PRELID2: variants seen among roughly 807,000 people sequenced by gnomAD.
PRELID2 encodes the protein PRELI domain containing 2.
PRELID2 carries 25 observed loss-of-function variants against 28.4 expected under a neutral mutation model. The ratio of observed to expected loss-of-function variants is 0.88; its 90% CI spans 0.64 to 1.23. The LOEUF is 1.23. Ranked by LOEUF, PRELID2 falls within the 50% of genes most tolerant of loss-of-function variation. The probability of loss-of-function intolerance (pLI) is 0.00; values close to 1 mark genes in which losing one functional copy is unlikely to be tolerated. For synonymous variants in PRELID2, 76 were observed against 71.6 expected (o/e 1.06, Z -0.31); for missense variants, 201 against 214.4 (o/e 0.94, Z 0.39).
the PRELID2 span, among the ~76,000 whole-genome samples, chr5:145,292,308 CAAGAGAGGGAATTATTATGAAATATGAGT>C: frequency 6.6e-6 from 1 of 152,030 alleles, no homozygotes; most frequent in East Asian, 1.9e-4. Flanking sequence ...CTAAACAAGA[CAAGAGAGGGAATTATTATGAAATATGAGT>C]TTCTGCTCTA....
intron 1 of PRELID2, among the ~76,000 whole-genome samples, chr5:145,727,684 G>A (rs531292078): frequency 1.3e-5 from 2 of 152,276 alleles, no homozygotes; most frequent in African/African-American, 4.8e-5. Flanking sequence ...GCCTTCAACT[G>A]TAAATCTTTT....
the PRELID2 span, among the ~76,000 whole-genome samples, chr5:145,354,735 G>A: frequency 6.6e-6 from 1 of 152,148 alleles, no homozygotes; most frequent in Non-Finnish European, 1.5e-5. Context: ...AAGTATGTCA[G>A]AGAGAGGAGT....
At chr5:145,559,828 A>C (rs1327456711) in intron 1 of PRELID2, among the ~76,000 whole-genome samples, 1 of 52,148 alleles carries the variant, frequency 1.9e-5, no homozygotes, top group Non-Finnish European at 5.0e-5. Context: ...TTCCTTGGTA[A>C]AAAGAGGTAA....
intron 1 of PRELID2, among the ~76,000 whole-genome samples, chr5:145,652,414 T>C (rs933052533): frequency 1.3e-5 from 2 of 151,990 alleles, no homozygotes; most frequent in Non-Finnish European, 2.9e-5. Flanking sequence ...ACAAAGATAC[T>C]CCTTGAGAAG....
intron 1 of PRELID2, among the ~76,000 whole-genome samples, chr5:145,567,268 G>C (rs528463614): frequency 6.6e-6 from 1 of 152,294 alleles, no homozygotes; most frequent in African/African-American, 2.4e-5. Context: ...CATGTGTCAA[G>C]AGAAGAAAGT....
intron 1 of PRELID2, among the ~76,000 whole-genome samples, chr5:145,725,019 A>G (rs1311136490): frequency 6.6e-6 from 1 of 152,012 alleles, no homozygotes; most frequent in African/African-American, 2.4e-5. Flanking sequence ...CTGGGATTAG[A>G]GGTATGAACC....
At chr5:145,830,633 CACT>C (rs1182188761) in intron 1 of PRELID2, among the ~76,000 whole-genome samples, 1 of 152,216 alleles carries the variant, frequency 6.6e-6, no homozygotes, top group Non-Finnish European at 1.5e-5. Flanking sequence ...AGTGCATTGA[CACT>C]ATAGTTCTTG....
intron 1 of PRELID2, among the ~76,000 whole-genome samples, chr5:145,558,221 G>A (rs993554066): frequency 6.6e-6 from 1 of 152,184 alleles, no homozygotes; most frequent in African/African-American, 2.4e-5. Context: ...TAACGTATTT[G>A]AAAGTCATTA....
the PRELID2 span, among the ~76,000 whole-genome samples, chr5:145,279,334 C>T: frequency 6.6e-6 from 1 of 152,200 alleles, no homozygotes; most frequent in Non-Finnish European, 1.5e-5. Flanking sequence ...CATCCCTGAT[C>T]TAGCAGATTC....
At chr5:145,350,675 C>T in the PRELID2 span, among the ~76,000 whole-genome samples, 2 of 152,124 alleles carry the variant, frequency 1.3e-5, no homozygotes, top group Middle Eastern at 3.2e-3. Context: ...CAATTTATGG[C>T]AAACTGCCAT....
At chr5:145,644,600 C>G (rs111404524) in intron 1 of PRELID2, among the ~76,000 whole-genome samples, 1 of 151,658 alleles carries the variant, frequency 6.6e-6, no homozygotes, top group Non-Finnish European at 1.5e-5. Flanking sequence ...TCTTTAATTT[C>G]GATGTTAGGG....
chr5:145,625,162 T>C (rs983446180), intron 1 of PRELID2, among the ~76,000 whole-genome samples: 1 of 152,126 alleles, frequency 6.6e-6, no homozygotes, highest in Admixed American at 6.6e-5. Context: ...TAATTTGTCA[T>C]TACCCTTCAA....
chr5:145,615,546 T>C (rs1753685517), intron 1 of PRELID2, among the ~76,000 whole-genome samples: 1 of 118,204 alleles, frequency 8.5e-6, no homozygotes, highest in Non-Finnish European at 1.7e-5. Context: ...CAGGATGGTC[T>C]CGATCTCCTG....
downstream of PRELID2, among the ~76,000 whole-genome samples, chr5:145,470,340 T>C (rs1752042674): frequency 1.3e-5 from 2 of 152,246 alleles, no homozygotes; most frequent in South Asian, 4.1e-4. Flanking sequence ...TTTTTCAAAC[T>C]CATGCTAACA....
the PRELID2 span, among the ~76,000 whole-genome samples, chr5:145,353,408 A>T: frequency 6.6e-6 from 1 of 152,046 alleles, no homozygotes; most frequent in Non-Finnish European, 1.5e-5. Context: ...GGTTGCAGTG[A>T]GCCAAGATTG....
the PRELID2 span, among the ~76,000 whole-genome samples, chr5:145,448,378 T>G: frequency 1.3e-5 from 2 of 152,120 alleles, no homozygotes; most frequent in Admixed American, 1.3e-4. Context: ...ATTAGCCCTT[T>G]GTCAGATGAG....
chr5:145,446,924 T>C, the PRELID2 span, among the ~76,000 whole-genome samples: 1 of 151,692 alleles, frequency 6.6e-6, no homozygotes, highest in Non-Finnish European at 1.5e-5. Context: ...TGCATGCCTG[T>C]AGTAATCCCA....
the PRELID2 span, among the ~76,000 whole-genome samples, chr5:145,232,130 T>C: frequency 6.6e-6 from 1 of 152,192 alleles, no homozygotes; most frequent in Non-Finnish European, 1.5e-5. Flanking sequence ...TTGGTTATGC[T>C]GAGTGACGCC....
At chr5:145,563,585 G>A (rs1240527600) in intron 1 of PRELID2, among the ~76,000 whole-genome samples, 2 of 152,144 alleles carry the variant, frequency 1.3e-5, no homozygotes, top group Non-Finnish European at 2.9e-5. Context: ...GCAGAACCTA[G>A]GCAAAAATGC....
Sources: gnomAD v4.1 joint callset for allele counts (sites outside exome capture counted in the v4.1 genomes callset) on GRCh38, gnomAD v4.1.1 for gene constraint, MANE v1.5 for transcripts, NCBI Gene and HGNC (gene_info 2026-07-23, HGNC 2026-07-21) for gene names.